CLCC1: variants seen among roughly 807,000 people sequenced by gnomAD.
CLCC1 encodes the protein chloride channel CLIC like 1.
A neutral mutation model predicts 63.3 loss-of-function variants in CLCC1; 39 were observed. That is an observed-to-expected ratio of 0.62 (90% CI 0.48 to 0.81). The LOEUF is 0.81. Ranked by LOEUF, CLCC1 falls within the 30% of genes least tolerant of loss-of-function variation. The probability of loss-of-function intolerance (pLI) is 0.00; values close to 1 mark genes in which losing one functional copy is unlikely to be tolerated. For missense variants in CLCC1, 549 were observed against 669.4 expected, an observed-to-expected ratio of 0.82 and a Z score of 1.98; for synonymous variants, 217 against 239.8, an observed-to-expected ratio of 0.90 and a Z score of 0.88.
intron 12 of CLCC1, chr1:108,932,798 T>C (rs1488762548): frequency 6.6e-6 from 1 of 152,210 alleles, no homozygotes; most frequent in African/African-American, 2.4e-5. Flanking sequence ...GTTAAACATG[T>C]CCTCTGTGTT....
chr1:108,943,556 T>C lies in CLCC1; in HGVS notation c.621A>G (p.Val207=), dbSNP rs1422141232. 2 of 1,613,862 alleles carry C rather than the reference T, an allele frequency of 1.2e-6. No individual in the cohort carries two copies. Among genetic ancestry groups the C allele is most frequent in the Non-Finnish European group, 1.7e-6 (2 of 1,179,906 alleles). The change falls in exon 7 of 13, where the codon GTA becomes GTG. Residue 207 remains valine (V), a synonymous_variant. Coordinates refer to ENST00000369969, the MANE Select transcript of CLCC1 (RefSeq NM_001377458.1). ...CACGTCTCAACTGAGTGTACCAACG[T>C]ACATATGTCCACAGCTCAGTAGCCA... is the stretch of plus-strand genomic sequence containing the variant. ...VLVATELWTY[V]RWYTQLRRVL... is the part of the protein sequence containing the mutation.
Position 108,934,947 on chromosome 1 carries a change from A to G in CLCC1, c.1384-5T>C, listed in dbSNP as rs375961109. 1.0e-5 allele frequency: 16 copies of G among 1,594,266 alleles called. No homozygotes were observed. The African/African-American group carries it at 1.9e-4, about 19-fold the overall frequency. On this transcript the variant is annotated splice_region_variant and splice_polypyrimidine_tract_variant and intron_variant, in intron 11 of 12. Coordinates refer to ENST00000369969, the MANE Select transcript of CLCC1 (RefSeq NM_001377458.1). ...ATCCAAAACAGGTGATTTATGCTATAAAGTACAAAATTACATTTTAACTGT... is the reference window on the plus strand; with the variant it reads ...ATCCAAAACAGGTGATTTATGCTATGAAGTACAAAATTACATTTTAACTGT...
Position 108,963,430 on chromosome 1 carries a change from C to CT in CLCC1, c.-243dup. ...GCCGGCCGCAGAAGAGGTCGCACAGCTTGCCGCCGCCCAGGGTTTCAGCGT... is the reference window on the plus strand; with the variant it reads ...GCCGGCCGCAGAAGAGGTCGCACAGCTTTGCCGCCGCCCAGGGTTTCAGCGT... On this transcript the variant is annotated 5_prime_UTR_variant, in exon 1 of 13. It introduces an in-frame stop codon into an upstream open reading frame of the 5' UTR. Transcript: ENST00000369969. 1 of 702,460 alleles carries CT rather than the reference C, an allele frequency of 1.4e-6. No individual in the cohort carries two copies. The highest frequency in any genetic ancestry group is 2.0e-5 in the Admixed American group (1 of 50,014). 43.5% of individuals were successfully genotyped at this position (702,460 alleles called of 1,614,324 possible).
chr1:108,936,980 G>T, intron 11 of CLCC1, 97 bp downstream of exon 11: 2 of 800,958 alleles, frequency 2.5e-6, no homozygotes. Flanking sequence ...ATATAATTAA[G>T]GGTGAGGGGT....
Position 108,960,053 on chromosome 1 carries a change from G to A in CLCC1, c.-12+2256C>T, listed in dbSNP as rs576248703. Among the ~76,000 whole-genome samples, 9 of 152,234 alleles carry A rather than the reference G, an allele frequency of 5.9e-5. No homozygotes were observed. The South Asian group carries it at 1.7e-3, about 28-fold the overall frequency. ...AGAGGCTGAGGTGGGAGGATCACTTGAGCCGGGGAGGTTGAAGCTGCACTG... is the reference window on the plus strand; with the variant it reads ...AGAGGCTGAGGTGGGAGGATCACTTAAGCCGGGGAGGTTGAAGCTGCACTG... On this transcript the variant is annotated intron_variant, in intron 2 of 12. Transcript: ENST00000369969.
At chr1:108,953,266 ATTC>A (rs1655441147) in intron 2 of CLCC1, among the ~76,000 whole-genome samples, 1 of 152,220 alleles carries the variant, frequency 6.6e-6, no homozygotes, top group Non-Finnish European at 1.5e-5. Flanking sequence ...TGCCCTGTAT[ATTC>A]TTCTGGCATT....
chr1:108,939,459 A>G (rs1653520283), intron 10 of CLCC1, among the ~76,000 whole-genome samples, 177 bp downstream of exon 10: 1 of 151,226 alleles, frequency 6.6e-6, no homozygotes, highest in South Asian at 2.1e-4. Context: ...GGCGCCCGCC[A>G]CCACGCCCGG....
At chr1:108,951,969 G>A (rs778400117) in intron 2 of CLCC1, among the ~76,000 whole-genome samples, 2 of 151,524 alleles carry the variant, frequency 1.3e-5, no homozygotes, top group South Asian at 2.1e-4. Flanking sequence ...GTAGAGATAG[G>A]GTCTCACTAT....
chr1:108,955,341 C>A (rs1162539938), intron 2 of CLCC1, among the ~76,000 whole-genome samples: 1 of 151,544 alleles, frequency 6.6e-6, no homozygotes, highest in Non-Finnish European at 1.5e-5. Flanking sequence ...CTGGGTATTT[C>A]AGGGTAGGCC....
intron 2 of CLCC1, among the ~76,000 whole-genome samples, chr1:108,956,489 G>A (rs567458774): frequency 4.0e-5 from 6 of 150,826 alleles, no homozygotes; most frequent in South Asian, 2.1e-4. Context: ...GTGAAACCCC[G>A]TCTCTACTAA....
chr1:108,937,013 C>T (rs1430529686), intron 11 of CLCC1, 64 bp downstream of exon 11: 2 of 1,189,070 alleles, frequency 1.7e-6, no homozygotes, highest in African/African-American at 1.6e-5. Context: ...ACAATCAGAC[C>T]TCTTCCAGAA....
chr1:108,961,144 G>A (rs918534873), intron 2 of CLCC1, among the ~76,000 whole-genome samples: 18 of 152,280 alleles, frequency 1.2e-4, no homozygotes, highest in African/African-American at 4.3e-4. Flanking sequence ...AGACAGAATA[G>A]AAGAATCAGC....
At position 108,934,607 on chromosome 1, in the gene CLCC1, G is replaced by T; in HGVS notation, c.*45+18C>A. 6.5e-7 allele frequency: 1 copy of T among 1,537,880 alleles called. No homozygotes were observed. Among genetic ancestry groups the T allele is most frequent in the South Asian group, 1.2e-5 (1 of 81,822 alleles). On this transcript the variant is annotated intron_variant, in intron 12 of 12. Transcript: ENST00000369969. ...AATTCTTGCAGAGAAGAGAAAGAGA[G>T]TGAAGAGTATACTTTACAAAGCTCG...
intron 2 of CLCC1, among the ~76,000 whole-genome samples, chr1:108,954,287 A>G (rs1000647495): frequency 2.0e-5 from 3 of 150,652 alleles, no homozygotes; most frequent in Non-Finnish European, 4.4e-5. Context: ...GGAGATCAAG[A>G]CCATCCTGGC....
At position 108,930,103 on chromosome 1, in the gene CLCC1, C is replaced by T. The variant is rs756141626; in HGVS notation, c.*2444G>A. 1.5e-6 allele frequency: 1 copy of T among 674,454 alleles called. No individual in the cohort carries two copies. The highest frequency in any genetic ancestry group is 2.5e-6 in the Non-Finnish European group (1 of 404,102). 41.8% of individuals were successfully genotyped at this position (674,454 alleles called of 1,614,324 possible). ...AGTCTATTAAGGCATTAATACTTCT[C>T]TGGACATGCGCGTTTGAGGGTGGAG... is the stretch of plus-strand genomic sequence containing the variant. On this transcript the variant is annotated 3_prime_UTR_variant, in exon 13 of 13. Coordinates refer to ENST00000369969, the MANE Select transcript of CLCC1 (RefSeq NM_001377458.1).
Position 108,931,129 on chromosome 1 carries a change from T to G in CLCC1, c.*1418A>C. 1 of 507,204 alleles carries G rather than the reference T, an allele frequency of 2.0e-6. No homozygotes were observed. Among genetic ancestry groups the G allele is most frequent in the South Asian group, 2.7e-5 (1 of 37,526 alleles). The allele number at this position is 507,204 out of a possible 1,614,324, so 31.4% of individuals were successfully genotyped here. A position where few individuals can be genotyped will look rare whatever the true frequency, so the allele number is the denominator to read the frequency against. On this transcript the variant is annotated 3_prime_UTR_variant, in exon 13 of 13. Coordinates refer to ENST00000369969, the MANE Select transcript of CLCC1 (RefSeq NM_001377458.1). Reference sequence around the variant, plus strand: ...AATGGTCTCTTCTGTTCCATAATACTGCTGTAAAACAAACTTTTCTAAGTT... The same window carrying G: ...AATGGTCTCTTCTGTTCCATAATACGGCTGTAAAACAAACTTTTCTAAGTT...
At position 108,935,387 on chromosome 1, in the gene CLCC1, G is replaced by A. The variant is rs561397792; in HGVS notation, c.1384-445C>T. 3.9e-5 allele frequency among the ~76,000 whole-genome samples: 6 copies of A among 152,310 alleles called. No individual in the cohort carries two copies. In the South Asian group the frequency reaches 6.2e-4, roughly 16 times the overall value. On this transcript the variant is annotated intron_variant, in intron 11 of 12. Coordinates refer to ENST00000369969, the MANE Select transcript of CLCC1 (RefSeq NM_001377458.1). ...AAGTGTGATATGTTGAATTAAAGAG[G>A]CTATGTAAAAAAAGCAGAGAAGAGA...
At chr1:108,963,339 A>C (rs1483888868) in intron 1 of CLCC1, 22 bp downstream of exon 1, 2 of 700,242 alleles carry the variant, frequency 2.9e-6, no homozygotes, top group African/African-American at 3.5e-5. Context: ...GCCGCACAAC[A>C]CACCCAACTG....
At chr1:108,946,379 G>A (rs960647319) in intron 5 of CLCC1, among the ~76,000 whole-genome samples, 1 of 151,714 alleles carries the variant, frequency 6.6e-6, no homozygotes, top group Non-Finnish European at 1.5e-5. Flanking sequence ...GGTTCCATCT[G>A]TTTCCTTATC....
Sources: gnomAD v4.1 joint callset for allele counts (sites outside exome capture counted in the v4.1 genomes callset) on GRCh38, gnomAD v4.1.1 for gene constraint, MANE v1.5 for transcripts, NCBI Gene and HGNC (gene_info 2026-07-23, HGNC 2026-07-21) for gene names.